Variants in MYH16 observed in about 807,000 individuals in gnomAD.
The protein encoded by MYH16 is myosin heavy chain 16.
intron 18 of MYH16, among the ~76,000 whole-genome samples, chr7:99,269,890 T>C (rs956761599): frequency 1.1e-4 from 15 of 134,798 alleles, no homozygotes; most frequent in Non-Finnish European, 2.1e-4. Flanking sequence ...TTTTTTTTTT[T>C]TGAGACGGAG....
In MYH16 at chr7:99,243,611, G is replaced by A. The variant is rs542669814; in HGVS notation, n.354+190G>A. 1.1e-4 allele frequency among the ~76,000 whole-genome samples: 17 copies of A among 152,316 alleles called. 1 individual carries two copies. In the South Asian group the frequency reaches 3.1e-3, roughly 28 times the overall value. The stretch of plus-strand genomic sequence containing the variant: ...TCCACCCAAAGCCTTCGGCATCTCA[G>A]TAATGGCACCATCTCCGTGAGCAGC... On this transcript the variant is annotated intron_variant and non_coding_transcript_variant, in intron 2 of 41. Coordinates refer to ENST00000439784, the Ensembl canonical transcript of MYH16.
chr7:99,287,894 C>T (rs367993359), exon 29 of MYH16: 7 of 455,006 alleles, frequency 1.5e-5, no homozygotes, highest in Non-Finnish European at 2.2e-5. Context: ...TACCCCAGAT[C>T]GAGCAGAACC....
At chr7:99,281,073 G>A (rs1473774649) in intron 23 of MYH16, 93 bp downstream of exon 5, 1 of 205,226 alleles carries the variant, frequency 4.9e-6, no homozygotes, top group Non-Finnish European at 1.0e-5. Flanking sequence ...TTCAAATCCT[G>A]GCCCTGCCGC....
chr7:99,250,629 C>A (rs1791798466), intron 5 of MYH16, among the ~76,000 whole-genome samples: 1 of 152,158 alleles, frequency 6.6e-6, no homozygotes, highest in Non-Finnish European at 1.5e-5. Context: ...ATAGTCCCAG[C>A]TACTCAGGGG....
intron 9 of MYH16, among the ~76,000 whole-genome samples, chr7:99,256,876 A>G (rs988049693): frequency 6.6e-6 from 1 of 152,164 alleles, no homozygotes; most frequent in Admixed American, 6.5e-5. Flanking sequence ...ACTTGAGCCC[A>G]GGAGTTCTAG....
intron 27 of MYH16, 102 bp downstream of exon 9, chr7:99,285,540 C>T (rs1792266013): frequency 2.3e-6 from 1 of 427,546 alleles, no homozygotes; most frequent in Non-Finnish European, 4.7e-6. Flanking sequence ...GTAGAGAAGG[C>T]AGGTGTCCAG....
Position 99,273,025 on chromosome 7 carries a change from A to AGT in MYH16, n.2404-316_2404-315insTG. Among the ~76,000 whole-genome samples the AGT allele has an allele frequency of 6.6e-6, 1 of 152,152 alleles. No homozygotes were observed. The highest frequency in any genetic ancestry group is 1.5e-5 in the Non-Finnish European group (1 of 68,030). On this transcript the variant is annotated intron_variant and non_coding_transcript_variant, in intron 19 of 41. The change abolishes the stop of an existing upstream ORF in the 5' untranslated region. Transcript: ENST00000439784. ...AACTTTGCAGATCCATGGGATTTGG[A>AGT]GACTAATGGGTGATTTCTGGTGGAG...
chr7:99,272,499 A>G (rs112054044), intron 19 of MYH16, among the ~76,000 whole-genome samples: 3,993 of 152,104 alleles, frequency 0.026, 170 homozygotes, highest in African/African-American at 0.091. Flanking sequence ...GCACTTTGAG[A>G]AGCCAAGGTG....
Position 99,294,167 on chromosome 7 carries a change from C to A in MYH16, n.4282+17C>A. 2.2e-6 allele frequency: 1 copy of A among 451,744 alleles called. No individual in the cohort carries two copies. The highest frequency in any genetic ancestry group is 1.6e-5 in the South Asian group (1 of 63,930). The allele number at this position is 451,744 out of a possible 1,614,324, so 28.0% of individuals were successfully genotyped here. A position where few individuals can be genotyped will look rare whatever the true frequency, so the allele number is the denominator to read the frequency against. ...TTGGAGAAGGTCAGAGAGTCAAATG[C>A]TCAAAGCTGCCTATTTACCGGGGCA... is the stretch of plus-strand genomic sequence containing the variant. On this transcript the variant is annotated intron_variant and non_coding_transcript_variant, in intron 33 of 41. Coordinates refer to ENST00000439784, the Ensembl canonical transcript of MYH16.
chr7:99,277,824 C>A, intron 21 of MYH16, 112 bp downstream of exon 3: 1 of 362,628 alleles, frequency 2.8e-6, no homozygotes, highest in South Asian at 2.1e-5. Context: ...ACGGGAAATT[C>A]TCCAGCATAC....
intron 30 of MYH16, among the ~76,000 whole-genome samples, chr7:99,290,486 C>CAAA (rs57166125): frequency 6.5e-4 from 36 of 55,524 alleles, no homozygotes; most frequent in Middle Eastern, 0.011. Context: ...GACCCTGTCT[C>CAAA]AAAAAAAAAA....
chr7:99,273,565 T>C (rs373814753), intron 20 of MYH16, 142 bp downstream of exon 2: 4 of 381,632 alleles, frequency 1.0e-5, no homozygotes, highest in Non-Finnish European at 2.1e-5. Flanking sequence ...GACAAAAATC[T>C]AGCCTCTGTC....
chr7:99,278,484 C>A (rs1042045478), intron 21 of MYH16, among the ~76,000 whole-genome samples: 2 of 152,220 alleles, frequency 1.3e-5, no homozygotes, highest in African/African-American at 4.8e-5. Context: ...GGGCGCCTGA[C>A]TAAATGTCCT....
downstream of MYH16, chr7:99,310,641 T>C (rs1047798953): frequency 1.3e-5 from 2 of 152,220 alleles, no homozygotes; most frequent in African/African-American, 4.8e-5. Context: ...GGGAGCTGTC[T>C]TTCCAGCAAG....
At chr7:99,264,426 G>A (rs867540453) in intron 15 of MYH16, 1 of 152,584 alleles carries the variant, frequency 6.6e-6, no homozygotes, top group Non-Finnish European at 1.5e-5. Flanking sequence ...ACCTGGAGGG[G>A]TCTGTTTCCT....
chr7:99,291,756 C>T (rs1420849986), intron 31 of MYH16, among the ~76,000 whole-genome samples: 1 of 152,154 alleles, frequency 6.6e-6, no homozygotes, highest in East Asian at 1.9e-4. Context: ...GTCAGGAGTT[C>T]GAGACCAGTC....
intron 39 of MYH16, among the ~76,000 whole-genome samples, chr7:99,303,511 C>T (rs1792636373): frequency 6.6e-6 from 1 of 152,234 alleles, no homozygotes; most frequent in African/African-American, 2.4e-5. Flanking sequence ...TGCATTAAAA[C>T]AGCCTTGGGC....
At chr7:99,247,470 T>A (rs1042777830) in intron 2 of MYH16, 4 of 152,432 alleles carry the variant, frequency 2.6e-5, no homozygotes, top group Non-Finnish European at 4.4e-5. Flanking sequence ...CCACCACACC[T>A]GGCAGAAAGC....
rs1011222541 is a variant in MYH16, at chr7:99,260,301, C to T, written n.1542C>T. On this transcript the variant is annotated non_coding_transcript_exon_variant, in exon 12 of 42. Coordinates refer to ENST00000439784, the Ensembl canonical transcript of MYH16. ...AGTGGGTCTTCATCGACTTTGGCCT[C>T]GACCTTCAGGCCTGCATCGACCTGC... 4.0e-6 allele frequency: 6 copies of T among 1,498,312 alleles called. No homozygotes were observed. In the Admixed American group the frequency reaches 5.1e-5, roughly 13 times the overall value. 92.8% of individuals were successfully genotyped at this position (1,498,312 alleles called of 1,614,324 possible). A position where few individuals can be genotyped will look rare whatever the true frequency, so the allele number is the denominator to read the frequency against.
Sources: gnomAD v4.1 joint callset for allele counts (sites outside exome capture counted in the v4.1 genomes callset) on GRCh38, gnomAD v4.1.1 for gene constraint, MANE v1.5 for transcripts, NCBI Gene and HGNC (gene_info 2026-07-23, HGNC 2026-07-21) for gene names.